OGDH: variants seen among roughly 807,000 people sequenced by gnomAD.
OGDH encodes oxoglutarate dehydrogenase.
In OGDH, 38 loss-of-function variants were observed where a neutral mutation model predicts 116.6. The ratio of observed to expected loss-of-function variants is 0.33; its 90% CI spans 0.25 to 0.43. OGDH has a LOEUF of 0.43. Among genes scored for constraint, OGDH ranks in the 20% least tolerant of loss-of-function variants. OGDH has a pLI of 1.00. For synonymous variants in OGDH, 488 were observed against 533.3 expected, an observed-to-expected ratio of 0.92 and a Z score of 1.17; for missense variants, 825 against 1,357.2, an observed-to-expected ratio of 0.61 and a Z score of 6.16.
chr7:44,662,527 ATC>A (rs1199636195), intron 4 of OGDH, among the ~76,000 whole-genome samples: 18 of 149,378 alleles, frequency 1.2e-4, no homozygotes, highest in African/African-American at 4.5e-4. Context: ...CAGTGGTGCA[ATC>A]TCTGCTCACT....
intron 10 of OGDH, among the ~76,000 whole-genome samples, chr7:44,688,128 T>C (rs1234004118): frequency 6.6e-6 from 1 of 152,074 alleles, no homozygotes; most frequent in African/African-American, 2.4e-5. Context: ...CCCAGCACTT[T>C]GGGAGGCCGA....
intron 19 of OGDH, among the ~76,000 whole-genome samples, chr7:44,700,887 G>A (rs1788798990): frequency 6.6e-6 from 1 of 152,152 alleles, no homozygotes; most frequent in East Asian, 1.9e-4. Flanking sequence ...ATGACAGCGG[G>A]CACTTGCAGT....
chr7:44,620,202 G>A (rs990929782), intron 1 of OGDH, among the ~76,000 whole-genome samples: 1 of 152,188 alleles, frequency 6.6e-6, no homozygotes, highest in African/African-American at 2.4e-5. Flanking sequence ...TGTATTTTTA[G>A]TAGAAACGGC....
chr7:44,608,581 C>T (rs1784445091), intron 1 of OGDH, among the ~76,000 whole-genome samples: 2 of 151,784 alleles, frequency 1.3e-5, no homozygotes, highest in Admixed American at 1.3e-4. Flanking sequence ...GGCCTGTAGT[C>T]TCAGCTACAG....
chr7:44,608,226 A>T (rs1333129834), intron 1 of OGDH, among the ~76,000 whole-genome samples: 2 of 151,994 alleles, frequency 1.3e-5, no homozygotes, highest in Admixed American at 1.3e-4. Context: ...CCAAAGTGAT[A>T]CCCGGCGTCT....
At chr7:44,643,337 A>G (rs1786032981) in intron 2 of OGDH, among the ~76,000 whole-genome samples, 1 of 152,254 alleles carries the variant, frequency 6.6e-6, no homozygotes, top group African/African-American at 2.4e-5. Flanking sequence ...TGTTTTCTTT[A>G]AGTTATTTTT....
chr7:44,663,134 C>T (rs956447331), intron 4 of OGDH, among the ~76,000 whole-genome samples: 15 of 152,110 alleles, frequency 9.9e-5, no homozygotes, highest in African/African-American at 2.4e-5. Context: ...CCTTTCTGTT[C>T]TTCAGATTGG....
rs186620541 is a variant in OGDH at position 44,706,414 on chromosome 7, C to T, written c.2633-811C>T. On this transcript the variant is annotated intron_variant, in intron 20 of 22. Transcript: ENST00000222673. ...TTGGCTCACCACAACCTCCGCCTCCCGGGTTCAAGCAATTCTCCTGCCTCG... is the reference window on the plus strand; with the variant it reads ...TTGGCTCACCACAACCTCCGCCTCCTGGGTTCAAGCAATTCTCCTGCCTCG... Among the ~76,000 whole-genome samples the T allele has an allele frequency of 7.7e-3, 1,162 of 151,522 alleles. 12 individuals carry two copies. The highest frequency in any genetic ancestry group is 0.027 in the African/African-American group (1,097 of 41,274).
chr7:44,641,699 G>C (rs955604201), intron 2 of OGDH, among the ~76,000 whole-genome samples: 4 of 152,218 alleles, frequency 2.6e-5, no homozygotes, highest in Non-Finnish European at 5.9e-5. Context: ...GCAGTCATTG[G>C]TCATCCCTGC....
chr7:44,644,390 C>T (rs767746510), intron 2 of OGDH, among the ~76,000 whole-genome samples: 1 of 152,024 alleles, frequency 6.6e-6, no homozygotes, highest in African/African-American at 2.4e-5. Context: ...ATGGAATAGC[C>T]AAAAATAGTA....
At chr7:44,657,429 G>A (rs1213228130) in intron 4 of OGDH, among the ~76,000 whole-genome samples, 1 of 152,184 alleles carries the variant, frequency 6.6e-6, no homozygotes, top group African/African-American at 2.4e-5. Context: ...TGAATCAATA[G>A]TTTGTTCCTT....
chr7:44,607,130 CAG>C (rs1482387013), intron 1 of OGDH, among the ~76,000 whole-genome samples: 2 of 152,224 alleles, frequency 1.3e-5, no homozygotes, highest in South Asian at 2.1e-4. Context: ...GTCCGAAAGA[CAG>C]TGTGGCCTGC....
chr7:44,671,420 G>A (rs1427503829), intron 5 of OGDH, among the ~76,000 whole-genome samples: 1 of 152,124 alleles, frequency 6.6e-6, no homozygotes, highest in African/African-American at 2.4e-5. Flanking sequence ...TCCAACATTG[G>A]GGATCAAATT....
intron 7 of OGDH, 73 bp downstream of exon 7, chr7:44,674,630 C>A: frequency 6.5e-7 from 1 of 1,539,612 alleles, no homozygotes; most frequent in Non-Finnish European, 8.9e-7. Flanking sequence ...CAGGTAAAGG[C>A]ACTGAGAGAG....
intron 14 of OGDH, 110 bp downstream of exon 14, chr7:44,696,667 C>T (rs1029649507): frequency 1.5e-5 from 22 of 1,466,030 alleles, no homozygotes; most frequent in Non-Finnish European, 1.8e-5. Context: ...ACAGAGACTC[C>T]CTTCCTGCCC....
chr7:44,679,551 G>A (rs1486899371), intron 9 of OGDH, among the ~76,000 whole-genome samples: 1 of 152,214 alleles, frequency 6.6e-6, no homozygotes, highest in Non-Finnish European at 1.5e-5. Context: ...CAAGAACTCA[G>A]GGAGGTGCAG....
intron 4 of OGDH, among the ~76,000 whole-genome samples, chr7:44,666,204 A>G (rs1787177990): frequency 6.6e-6 from 1 of 152,154 alleles, no homozygotes; most frequent in African/African-American, 2.4e-5. Context: ...TCCAACAGAC[A>G]AGTTGACTTC....
At chr7:44,680,799 G>A (rs539449011) in intron 9 of OGDH, among the ~76,000 whole-genome samples, 1 of 152,274 alleles carries the variant, frequency 6.6e-6, no homozygotes, top group African/African-American at 2.4e-5. Flanking sequence ...CTGTTGGTCA[G>A]GAAGCAAGGA....
intron 12 of OGDH, among the ~76,000 whole-genome samples, chr7:44,695,128 C>T (rs1788525003): frequency 6.6e-6 from 1 of 152,020 alleles, no homozygotes; most frequent in Admixed American, 6.6e-5. Context: ...CGGAGTCTAG[C>T]TCTGTCACCC....
Sources: allele counts gnomAD v4.1 joint callset (sites outside exome capture counted in the v4.1 genomes callset), GRCh38; gene constraint gnomAD v4.1.1; transcripts MANE v1.5; gene names NCBI Gene and HGNC (gene_info 2026-07-23, HGNC 2026-07-21).